The following PDE7B variants were observed in gnomAD, a reference collection of about 807,000 sequenced individuals.
The protein encoded by PDE7B is 3',5'-cyclic-AMP phosphodiesterase 7B.
A neutral mutation model predicts 56.2 loss-of-function variants in PDE7B; 29 were observed. The observed-to-expected ratio is 0.52, with a 90% CI of 0.38 to 0.70. The LOEUF (loss-of-function observed/expected upper bound fraction) is 0.70. Among genes scored for constraint, PDE7B ranks in the 30% least tolerant of loss-of-function variants. The pLI, the probability that PDE7B is intolerant of heterozygous loss-of-function variation, is 0.00. For missense variants in PDE7B, 490 were observed against 565.0 expected (o/e 0.87, Z 1.35); for synonymous variants, 197 against 196.9 (o/e 1.00, Z 0.00).
intron 9 of PDE7B, among the ~76,000 whole-genome samples, chr6:136,178,464 G>T (rs1009257274): frequency 6.6e-6 from 1 of 152,062 alleles, no homozygotes; most frequent in Non-Finnish European, 1.5e-5. Context: ...TTGCCCACTG[G>T]TTTGTAACAG....
In PDE7B at chr6:136,103,079, C is replaced by G. The variant is rs191003291; in HGVS notation, c.83-5652C>G. Among the ~76,000 whole-genome samples the G allele has an allele frequency of 3.3e-5, 5 of 152,246 alleles. No individual in the cohort carries two copies. In the East Asian group the frequency reaches 7.7e-4, roughly 23 times the overall value. On this transcript the variant is annotated intron_variant, in intron 2 of 12. Coordinates refer to ENST00000308191, the MANE Select transcript of PDE7B (RefSeq NM_018945.4). ...TCTGGACGACTAACTCCTGGTTTGC[C>G]TCTTTCCTACATACAAAGCTCTCTC...
At chr6:136,105,127 A>T (rs1022528444) in intron 2 of PDE7B, among the ~76,000 whole-genome samples, 1 of 152,124 alleles carries the variant, frequency 6.6e-6, no homozygotes, top group African/African-American at 2.4e-5. Context: ...TTCCTTGTTG[A>T]TCCAGGACAG....
rs566571276 is a variant in PDE7B at position 135,857,340 on chromosome 6, T to C, written c.21+5321T>C. On this transcript the variant is annotated intron_variant, in intron 1 of 12. Transcript: ENST00000308191. ...ATATAAATAGGAAGTATATAAAATA[T>C]TCTTTCTACAAGATGAAAATTATTC... Among the ~76,000 whole-genome samples, 11 of 152,302 alleles carry C rather than the reference T, an allele frequency of 7.2e-5. No individual in the cohort carries two copies. The South Asian group carries it at 1.9e-3, about 26-fold the overall frequency.
chr6:136,012,255 C>T (rs555133814), intron 2 of PDE7B, among the ~76,000 whole-genome samples: 16 of 152,266 alleles, frequency 1.1e-4, no homozygotes, highest in Middle Eastern at 3.4e-3. Context: ...TTCCTAGGCT[C>T]CCTTTCTTGA....
At chr6:136,135,080 T>G (rs1423336937) in intron 3 of PDE7B, among the ~76,000 whole-genome samples, 1 of 152,100 alleles carries the variant, frequency 6.6e-6, no homozygotes. Flanking sequence ...GAAACAAAGC[T>G]CTTCTTCTAG....
intron 1 of PDE7B, among the ~76,000 whole-genome samples, chr6:135,860,120 T>C (rs1775117691): frequency 6.6e-6 from 1 of 152,036 alleles, no homozygotes; most frequent in South Asian, 2.1e-4. Flanking sequence ...AGTTACTCAG[T>C]TCATAATACA....
chr6:136,048,109 C>CAGACAGACAGACAGATAGATAGAT (rs747314841), intron 2 of PDE7B, among the ~76,000 whole-genome samples: 2 of 131,976 alleles, frequency 1.5e-5, no homozygotes, highest in African/African-American at 5.3e-5. Context: ...GACAGACAGA[C>CAGACAGACAGACAGATAGATAGAT]AGATAGATAG....
At chr6:135,938,088 A>G (rs1774452006) in intron 1 of PDE7B, among the ~76,000 whole-genome samples, 1 of 152,214 alleles carries the variant, frequency 6.6e-6, no homozygotes. Flanking sequence ...GACTAAGATC[A>G]CACAGCTGTT....
intron 1 of PDE7B, among the ~76,000 whole-genome samples, chr6:135,869,233 CAT>C (rs1775325884): frequency 6.6e-6 from 1 of 152,122 alleles, no homozygotes; most frequent in Non-Finnish European, 1.5e-5. Flanking sequence ...GTAATTTGCA[CAT>C]GTGACAAACT....
intron 2 of PDE7B, chr6:136,038,144 G>A: frequency 7.7e-7 from 1 of 1,302,034 alleles, no homozygotes; most frequent in Non-Finnish European, 1.0e-6. Context: ...GGATCTTACG[G>A]GGGTTCGCTT....
At chr6:136,180,419 C>T (rs141613543) in intron 10 of PDE7B, among the ~76,000 whole-genome samples, 126 of 150,694 alleles carry the variant, frequency 8.4e-4, no homozygotes, top group African/African-American at 3.1e-3. Context: ...ACACTTACCT[C>T]TACTTCAACA....
At chr6:136,182,212 T>C (rs1779077687) in intron 11 of PDE7B, among the ~76,000 whole-genome samples, 1 of 152,160 alleles carries the variant, frequency 6.6e-6, no homozygotes. Flanking sequence ...GAAGAATTGA[T>C]TGAGCTCATG....
At chr6:136,074,721 C>T (rs1187458028) in intron 2 of PDE7B, among the ~76,000 whole-genome samples, 2 of 152,156 alleles carry the variant, frequency 1.3e-5, no homozygotes, top group Admixed American at 1.3e-4. Flanking sequence ...ATCTAACGAC[C>T]TCCGAGTGAA....
chr6:135,858,137 A>T (rs1219525576), intron 1 of PDE7B, among the ~76,000 whole-genome samples: 1 of 152,008 alleles, frequency 6.6e-6, no homozygotes, highest in Non-Finnish European at 1.5e-5. Flanking sequence ...TTTTCATTTT[A>T]TTTAATTTAA....
intron 2 of PDE7B, among the ~76,000 whole-genome samples, chr6:136,016,236 AGAT>A (rs1442797107): frequency 3.3e-5 from 5 of 152,182 alleles, no homozygotes; most frequent in Non-Finnish European, 7.3e-5. Context: ...AGCATTGCTG[AGAT>A]GATTAGATGA....
At position 136,191,634 on chromosome 6, in the gene PDE7B, G is replaced by T; in HGVS notation, c.1147G>T (p.Glu383Ter). Residue 383 changes from glutamate to a stop codon, truncating the protein, a stop_gained, in exon 13 of 13, where the codon GAG becomes TAG. Coordinates refer to ENST00000308191, the MANE Select transcript of PDE7B (RefSeq NM_018945.4). LOFTEE classifies it high-confidence loss of function. ...TCTAGGTTTCATGAGCTACATCGTG[G>T]AGCCGCTCTTCCGGGAATGGGCCCA... is the stretch of plus-strand genomic sequence containing the variant. ...IQIGFMSYIVEPLFREWAHFT... is the reference protein window; with the variant it reads ...IQIGFMSYIV 1 of 1,614,008 alleles carries T rather than the reference G, an allele frequency of 6.2e-7. No homozygotes were observed. The highest frequency in any genetic ancestry group is 8.5e-7 in the Non-Finnish European group (1 of 1,179,952).
At chr6:135,974,982 AGAGT>A (rs780930214) in intron 2 of PDE7B, among the ~76,000 whole-genome samples, 5 of 152,066 alleles carry the variant, frequency 3.3e-5, no homozygotes, top group Non-Finnish European at 5.9e-5. Context: ...GTGAGGTGCA[AGAGT>A]GAGTGAAGCC....
intron 1 of PDE7B, among the ~76,000 whole-genome samples, chr6:135,893,555 A>G (rs1385950156): frequency 6.6e-6 from 1 of 152,040 alleles, no homozygotes; most frequent in Non-Finnish European, 1.5e-5. Flanking sequence ...ACACTTTTAC[A>G]CTGTTGGTGG....
chr6:136,103,017 A>G (rs1297327178), intron 2 of PDE7B, among the ~76,000 whole-genome samples: 1 of 152,198 alleles, frequency 6.6e-6, no homozygotes, highest in Non-Finnish European at 1.5e-5. Flanking sequence ...ACATGCAAAG[A>G]AAATTGTGTT....
Sources: allele counts gnomAD v4.1 joint callset (sites outside exome capture counted in the v4.1 genomes callset), GRCh38; gene constraint gnomAD v4.1.1; transcripts MANE v1.5; gene names NCBI Gene and HGNC (gene_info 2026-07-23, HGNC 2026-07-21).